Variants in MFN1 observed in about 807,000 individuals in gnomAD.
MFN1 encodes mitofusin-1.
MFN1 carries 65 observed loss-of-function variants against 92.4 expected under a neutral mutation model. The ratio of observed to expected loss-of-function variants is 0.70; its 90% confidence interval spans 0.58 to 0.86. The LOEUF is 0.86. Among genes scored for constraint, MFN1 ranks in the 40% least tolerant of loss-of-function variants. MFN1 has a pLI of 0.00. For synonymous variants in MFN1, 297 were observed against 300.9 expected, an observed-to-expected ratio of 0.99 and a Z score of 0.13; for missense variants, 781 against 868.0, an observed-to-expected ratio of 0.90 and a Z score of 1.26.
intron 3 of MFN1, among the ~76,000 whole-genome samples, chr3:179,358,316 TA>T (rs1199641320): frequency 6.6e-6 from 1 of 152,004 alleles, no homozygotes; most frequent in Non-Finnish European, 1.5e-5. Context: ...CACACCTGGC[TA>T]ATTTTTTGTA....
At chr3:179,375,427 A>G in intron 10 of MFN1, 86 bp downstream of exon 10, 1 of 1,517,054 alleles carries the variant, frequency 6.6e-7, no homozygotes, top group Non-Finnish European at 9.0e-7. Context: ...GTTGTACTAT[A>G]AATACTTTTT....
intron 2 of MFN1, 113 bp downstream of exon 2, chr3:179,349,076 A>C: frequency 2.7e-6 from 2 of 748,868 alleles, no homozygotes. Flanking sequence ...GTATACTATG[A>C]GAAGTACCAT....
chr3:179,386,637 G>C lies in MFN1; in HGVS notation c.2012+8G>C. The C allele has an allele frequency of 6.3e-7, 1 of 1,594,434 alleles. No individual in the cohort carries two copies. Among genetic ancestry groups the C allele is most frequent in the Non-Finnish European group, 8.5e-7 (1 of 1,171,824 alleles). ...CAGTCACCAAGTAAAACAGTAAGTT[G>C]GAAGGTGCATCTTTCCTTTAAAAAA... On this transcript the variant is annotated splice_region_variant and intron_variant, in intron 16 of 17. Transcript: ENST00000471841.
Position 179,364,419 on chromosome 3 carries a change from ATAT to A in MFN1, c.645+19_645+21del, listed in dbSNP as rs773425920. On this transcript the variant is annotated intron_variant, in intron 6 of 17. Coordinates refer to ENST00000471841, the MANE Select transcript of MFN1 (RefSeq NM_033540.3). ...CTAATGAATACGGTAGGATTTAATC[ATAT>A]TATTGTGTTTCGATGGTAGGAAATG... The A allele has an allele frequency of 4.5e-6, 7 of 1,548,324 alleles. No homozygotes were observed. In the Admixed American group the frequency reaches 5.1e-5, roughly 11 times the overall value.
rs543443619 is a variant in MFN1, at chr3:179,375,255, C to G, written c.1011C>G (p.Phe337Leu). 8.7e-6 allele frequency: 14 copies of G among 1,613,434 alleles called. No homozygotes were observed. The highest frequency in any genetic ancestry group is 1.3e-5 in the African/African-American group (1 of 74,876). The change falls in exon 10 of 18, where the codon TTC (phenylalanine) becomes TTG (leucine). Residue 337 changes from phenylalanine (F) to leucine (L), a missense_variant. By Grantham distance (22) the Phe-to-Leu change is conservative. Coordinates refer to ENST00000471841, the MANE Select transcript of MFN1 (RefSeq NM_033540.3). Reference sequence around the variant, plus strand: ...CGCAGTCAGCAGTGAAAACAAAGTTCGAACAGCACACTATCAGAGCTAAAC... The same window carrying G: ...CGCAGTCAGCAGTGAAAACAAAGTTGGAACAGCACACTATCAGAGCTAAAC... ...CISQSAVKTK[F>L]EQHTIRAKQI...
chr3:179,364,806 T>G (rs1712721334), intron 6 of MFN1, among the ~76,000 whole-genome samples: 1 of 152,222 alleles, frequency 6.6e-6, no homozygotes, highest in African/African-American at 2.4e-5. Context: ...TACTCCAGGT[T>G]TCAGCTTAAC....
At chr3:179,362,790 C>T (rs911065629) in intron 5 of MFN1, among the ~76,000 whole-genome samples, 2 of 152,194 alleles carry the variant, frequency 1.3e-5, no homozygotes, top group Admixed American at 6.5e-5. Context: ...TCTCCCACCT[C>T]AGTCTCCTGG....
At chr3:179,384,902 T>C (rs1713614329) in intron 14 of MFN1, among the ~76,000 whole-genome samples, 1 of 44,576 alleles carries the variant, frequency 2.2e-5, no homozygotes, top group Non-Finnish European at 4.4e-5. Context: ...TTGAAGTCCT[T>C]TTTTTTTTTT....
At chr3:179,387,129 C>T (rs1177486903) in intron 16 of MFN1, among the ~76,000 whole-genome samples, 1 of 151,744 alleles carries the variant, frequency 6.6e-6, no homozygotes, top group African/African-American at 2.4e-5. Flanking sequence ...CAATATGTTG[C>T]CCGGGTTGGT....
At chr3:179,372,876 CATTT>C (rs1195800709) in intron 9 of MFN1, among the ~76,000 whole-genome samples, 1 of 151,902 alleles carries the variant, frequency 6.6e-6, no homozygotes, top group African/African-American at 2.4e-5. Flanking sequence ...ATTTATGAGG[CATTT>C]ATTTAAAATA....
intron 9 of MFN1, among the ~76,000 whole-genome samples, chr3:179,369,561 A>G (rs1450927457): frequency 1.3e-5 from 2 of 152,152 alleles, no homozygotes; most frequent in African/African-American, 4.8e-5. Context: ...GTGCTTCCCA[A>G]GAATATCTCG....
At chr3:179,367,952 A>T in intron 8 of MFN1, 84 bp from the exon 9 acceptor site, 4 of 626,414 alleles carry the variant, frequency 6.4e-6, no homozygotes, top group Non-Finnish European at 8.8e-6. Context: ...ATATATATAT[A>T]TTTAAAATTA....
chr3:179,371,690 G>T (rs936775154), intron 9 of MFN1, among the ~76,000 whole-genome samples: 2 of 152,154 alleles, frequency 1.3e-5, no homozygotes, highest in Admixed American at 6.5e-5. Context: ...AGTTTTGGTT[G>T]TATGATGGGA....
rs1397785625 is a variant in MFN1 at position 179,394,171 on chromosome 3, A to G, written c.*2112A>G. 1.3e-5 allele frequency: 2 copies of G among 152,134 alleles called. No individual in the cohort carries two copies. The highest frequency in any genetic ancestry group is 1.9e-4 in the East Asian group (1 of 5,180). 9.4% of individuals were successfully genotyped at this position (152,134 alleles called of 1,614,324 possible). On this transcript the variant is annotated 3_prime_UTR_variant, in exon 18 of 18. Coordinates refer to ENST00000471841, the MANE Select transcript of MFN1 (RefSeq NM_033540.3). Reference sequence around the variant, plus strand: ...CTATAATCAACCTTCAAACTTATAAAAAGTGTGGATCCTTGGGTCTGAACC... The same window carrying G: ...CTATAATCAACCTTCAAACTTATAAGAAGTGTGGATCCTTGGGTCTGAACC...
At chr3:179,365,282 T>A in intron 7 of MFN1, 57 bp downstream of exon 7, 1 of 991,332 alleles carries the variant, frequency 1.0e-6, no homozygotes, top group Non-Finnish European at 1.5e-6. Context: ...ACATTGTTAT[T>A]TGAGAAAACA....
intron 9 of MFN1, among the ~76,000 whole-genome samples, chr3:179,374,636 T>G (rs116327282): frequency 8.5e-5 from 13 of 152,116 alleles, no homozygotes; most frequent in African/African-American, 2.9e-4. Flanking sequence ...GTAATTACAA[T>G]TATCTTCTAA....
Position 179,393,862 on chromosome 3 carries a change from T to A in MFN1, c.*1803T>A, listed in dbSNP as rs971953135. ...TTGGTCCTGGGTCATCGACATTACT[T>A]CTTTTTCTTTCTGAGACAGGGTCTC... On this transcript the variant is annotated 3_prime_UTR_variant, in exon 18 of 18. Coordinates refer to ENST00000471841, the MANE Select transcript of MFN1 (RefSeq NM_033540.3). The A allele has an allele frequency of 1.3e-5, 2 of 152,340 alleles. No homozygotes were observed. Among genetic ancestry groups the A allele is most frequent in the Non-Finnish European group, 2.9e-5 (2 of 68,170 alleles). The allele number at this position is 152,340 out of a possible 1,614,324, so 9.4% of individuals were successfully genotyped here.
chr3:179,352,125 C>G, intron 3 of MFN1, 90 bp downstream of exon 3: 1 of 1,347,414 alleles, frequency 7.4e-7, no homozygotes, highest in Non-Finnish European at 1.0e-6. Flanking sequence ...CCATCCTCCC[C>G]CAGCCCCGCA....
In MFN1 at chr3:179,351,995, G is replaced by T; in HGVS notation, c.208G>T (p.Val70Leu). 6.2e-7 allele frequency: 1 copy of T among 1,608,346 alleles called. No homozygotes were observed. The highest frequency in any genetic ancestry group is 8.5e-7 in the Non-Finnish European group (1 of 1,175,898). The change falls in exon 3 of 18, where the codon GTG (valine) becomes TTG (leucine). Residue 70 changes from valine (V) to leucine (L), a missense_variant. Val to Leu is a conservative substitution (Grantham distance 32, BLOSUM62 1). Transcript: ENST00000471841. ...YKDKLSIIGEVLSRRHMKVAF... is the reference protein window; with the variant it reads ...YKDKLSIIGELLSRRHMKVAF... ...AGACAAGCTTTCCATCATTGGTGAGGTGCTATCTCGGAGACACATGAAGGT... is the reference window on the plus strand; with the variant it reads ...AGACAAGCTTTCCATCATTGGTGAGTTGCTATCTCGGAGACACATGAAGGT...
Sources: allele counts gnomAD v4.1 joint callset (sites outside exome capture counted in the v4.1 genomes callset), GRCh38; gene constraint gnomAD v4.1.1; transcripts MANE v1.5; gene names NCBI Gene and HGNC (gene_info 2026-07-23, HGNC 2026-07-21).